Variants in SLC9A9 observed in about 807,000 individuals in gnomAD.
SLC9A9 encodes the protein sodium/hydrogen exchanger 9.
A neutral mutation model predicts 77.8 loss-of-function variants in SLC9A9; 62 were observed. The ratio of observed to expected loss-of-function variants is 0.80; its 90% CI spans 0.65 to 0.98. SLC9A9 has a LOEUF of 0.98. Ranked by LOEUF, SLC9A9 falls within the 50% of genes least tolerant of loss-of-function variation. The pLI is 0.00. For missense variants in SLC9A9, 775 were observed against 774.9 expected (o/e 1.00, Z 0.00); for synonymous variants, 320 against 283.5 (o/e 1.13, Z -1.29).
intron 6 of SLC9A9, among the ~76,000 whole-genome samples, chr3:143,606,422 CTCTCTCTCTCTCTCTATA>C (rs1443171495): frequency 4.1e-5 from 3 of 73,102 alleles, no homozygotes; most frequent in South Asian, 5.0e-4. Context: ...CTCTCTCTCT[CTCTCTCTCTCTCTCTATA>C]TATATATATA....
chr3:143,642,212 A>G (rs1227798585), intron 6 of SLC9A9, among the ~76,000 whole-genome samples: 3 of 152,354 alleles, frequency 2.0e-5, no homozygotes, highest in African/African-American at 7.2e-5. Context: ...CTAAGCAGCT[A>G]TTGTTGCCAA....
intron 5 of SLC9A9, among the ~76,000 whole-genome samples, chr3:143,660,169 T>C (rs2038958095): frequency 6.6e-6 from 1 of 152,202 alleles, no homozygotes; most frequent in African/African-American, 2.4e-5. Context: ...AATAGGCAGA[T>C]CATGTTACAT....
intron 14 of SLC9A9, among the ~76,000 whole-genome samples, chr3:143,312,786 T>G (rs934230822): frequency 4.6e-5 from 7 of 152,198 alleles, no homozygotes; most frequent in African/African-American, 1.7e-4. Flanking sequence ...AGGACCGAAG[T>G]CATCCCCAGG....
intron 14 of SLC9A9, among the ~76,000 whole-genome samples, chr3:143,288,290 C>T (rs910947057): frequency 1.3e-5 from 2 of 151,512 alleles, no homozygotes; most frequent in Non-Finnish European, 2.9e-5. Flanking sequence ...AACCAAAGAA[C>T]ATATCACATT....
chr3:143,791,128 G>A (rs1301668438), intron 4 of SLC9A9, among the ~76,000 whole-genome samples: 2 of 152,168 alleles, frequency 1.3e-5, no homozygotes, highest in African/African-American at 4.8e-5. Context: ...CTTCTTAGAA[G>A]GAGATGGATT....
At chr3:143,556,921 C>T (rs2036993341) in intron 8 of SLC9A9, among the ~76,000 whole-genome samples, 1 of 152,172 alleles carries the variant, frequency 6.6e-6, no homozygotes. Context: ...GACCATGTGC[C>T]AAGTCCAAGA....
chr3:143,304,133 G>A (rs1050691189), intron 14 of SLC9A9, among the ~76,000 whole-genome samples: 2 of 152,184 alleles, frequency 1.3e-5, no homozygotes, highest in Non-Finnish European at 2.9e-5. Context: ...TGTATCCATT[G>A]TTTTGGGTCT....
At chr3:143,307,196 T>C (rs2030823555) in intron 14 of SLC9A9, among the ~76,000 whole-genome samples, 1 of 152,228 alleles carries the variant, frequency 6.6e-6, no homozygotes, top group South Asian at 2.1e-4. Context: ...AGATTGATAT[T>C]AGCTATGGGG....
chr3:143,710,446 G>A (rs979198691), intron 4 of SLC9A9, among the ~76,000 whole-genome samples: 1 of 152,102 alleles, frequency 6.6e-6, no homozygotes, highest in East Asian at 1.9e-4. Context: ...CAGCACAAGG[G>A]GTTTAGAGGC....
intron 11 of SLC9A9, among the ~76,000 whole-genome samples, chr3:143,479,928 A>G (rs2035546215): frequency 6.6e-6 from 1 of 152,234 alleles, no homozygotes; most frequent in Non-Finnish European, 1.5e-5. Context: ...CTGGTGGTTA[A>G]AGAAAGTAAA....
chr3:143,384,251 C>T (rs2033369197), intron 12 of SLC9A9, among the ~76,000 whole-genome samples: 2 of 152,078 alleles, frequency 1.3e-5, no homozygotes, highest in Admixed American at 1.3e-4. Context: ...CAGTGGGACC[C>T]AGGTGTGGAG....
intron 4 of SLC9A9, among the ~76,000 whole-genome samples, chr3:143,710,650 T>C (rs1205702038): frequency 2.6e-5 from 4 of 152,220 alleles, no homozygotes; most frequent in Non-Finnish European, 5.9e-5. Context: ...CTGGTTTGTA[T>C]CAGAACAAAG....
At chr3:143,508,050 T>A (rs1207248185) in intron 9 of SLC9A9, among the ~76,000 whole-genome samples, 1 of 152,184 alleles carries the variant, frequency 6.6e-6, no homozygotes, top group African/African-American at 2.4e-5. Context: ...AAACATGCAG[T>A]CCATAGCAAC....
chr3:143,286,903 G>A (rs1030562838), intron 14 of SLC9A9, among the ~76,000 whole-genome samples: 4 of 152,194 alleles, frequency 2.6e-5, no homozygotes, highest in Non-Finnish European at 5.9e-5. Context: ...CATGTCATTA[G>A]GAATCTTAAA....
intron 14 of SLC9A9, among the ~76,000 whole-genome samples, chr3:143,344,868 A>T (rs2032214001): frequency 1.3e-5 from 2 of 151,920 alleles, no homozygotes; most frequent in Non-Finnish European, 2.9e-5. Context: ...AGGGAAAAAA[A>T]GTGTTATGTA....
At chr3:143,755,840 T>C (rs2006906842) in intron 4 of SLC9A9, among the ~76,000 whole-genome samples, 1 of 152,164 alleles carries the variant, frequency 6.6e-6, no homozygotes, top group Admixed American at 6.6e-5. Flanking sequence ...TGTGTGTGTG[T>C]GTCTGTGTGT....
At chr3:143,593,695 A>G (rs1394311447) in intron 6 of SLC9A9, among the ~76,000 whole-genome samples, 1 of 152,242 alleles carries the variant, frequency 6.6e-6, no homozygotes, top group Non-Finnish European at 1.5e-5. Flanking sequence ...TGTAAAATTT[A>G]TAGTGAGAAA....
chr3:143,689,242 G>T (rs1324493973), intron 5 of SLC9A9, among the ~76,000 whole-genome samples: 2 of 152,028 alleles, frequency 1.3e-5, no homozygotes, highest in African/African-American at 4.8e-5. Context: ...TCTCTTTCCA[G>T]AAATGTCTCC....
At chr3:143,380,456 A>C (rs932056811) in intron 13 of SLC9A9, among the ~76,000 whole-genome samples, 5 of 47,588 alleles carry the variant, frequency 1.1e-4, no homozygotes, top group African/African-American at 6.2e-4. Context: ...GACAAAATTT[A>C]GATAAAAGTT....
Sources: gnomAD v4.1 joint callset for allele counts (sites outside exome capture counted in the v4.1 genomes callset) on GRCh38, gnomAD v4.1.1 for gene constraint, MANE v1.5 for transcripts, NCBI Gene and HGNC (gene_info 2026-07-23, HGNC 2026-07-21) for gene names.